The following MPPED1 variants were observed in gnomAD, a reference collection of about 807,000 sequenced individuals.
The protein encoded by MPPED1 is metallophosphoesterase domain containing 1, also known as metallophosphoesterase domain-containing protein 1.
In MPPED1, 16 loss-of-function variants were observed where a neutral mutation model predicts 36.2. The ratio of observed to expected loss-of-function variants is 0.44; its 90% confidence interval spans 0.30 to 0.67. The LOEUF is 0.67. Among genes scored for constraint, MPPED1 ranks in the 30% least tolerant of loss-of-function variants. The pLI is 0.10. For missense variants in MPPED1, 307 were observed against 453.4 expected (o/e 0.68, Z 2.93); for synonymous variants, 199 against 191.3 (o/e 1.04, Z -0.33).
chr22:43,414,972 C>G (rs1411063826), intron 1 of MPPED1, among the ~76,000 whole-genome samples: 1 of 152,048 alleles, frequency 6.6e-6, no homozygotes, highest in African/African-American at 2.4e-5. Flanking sequence ...TCCTTCTGGC[C>G]TGGGCGCCTC....
chr22:43,503,721 C>A (rs1932768752), intron 6 of MPPED1, among the ~76,000 whole-genome samples: 1 of 152,296 alleles, frequency 6.6e-6, no homozygotes, highest in South Asian at 2.1e-4. Flanking sequence ...GAGAGATGGG[C>A]AGCTCACGTG....
At chr22:43,467,231 G>T (rs1432633322) in intron 3 of MPPED1, among the ~76,000 whole-genome samples, 2 of 152,206 alleles carry the variant, frequency 1.3e-5, no homozygotes, top group Non-Finnish European at 2.9e-5. Flanking sequence ...TCTCTGTCAT[G>T]GGGAGAATGG....
intron 3 of MPPED1, among the ~76,000 whole-genome samples, chr22:43,440,883 C>A (rs774639308): frequency 5.3e-5 from 8 of 152,188 alleles, no homozygotes; most frequent in Non-Finnish European, 8.8e-5. Context: ...CTGCCACAGG[C>A]TCCATGTGGC....
chr22:43,423,367 C>CT (rs1569063832), intron 1 of MPPED1, among the ~76,000 whole-genome samples: 1 of 152,198 alleles, frequency 6.6e-6, no homozygotes, highest in Non-Finnish European at 1.5e-5. Flanking sequence ...GGCCCCTGCT[C>CT]CCCCACCTAC....
At chr22:43,431,020 A>ATTTTT (rs1569066380) in intron 2 of MPPED1, among the ~76,000 whole-genome samples, 1 of 55,722 alleles carries the variant, frequency 1.8e-5, no homozygotes, top group Admixed American at 2.6e-4. Context: ...TGTTGTTGTT[A>ATTTTT]ATTTTTTTTT....
intron 4 of MPPED1, among the ~76,000 whole-genome samples, chr22:43,497,935 G>GTATGTATATATATATA (rs1932480800): frequency 2.3e-5 from 3 of 128,364 alleles, no homozygotes; most frequent in Admixed American, 7.6e-5. Flanking sequence ...ATATGTATAT[G>GTATGTATATATATATA]TATATATATA....
At chr22:43,476,644 GA>G (rs1315490245) in intron 4 of MPPED1, among the ~76,000 whole-genome samples, 1 of 152,152 alleles carries the variant, frequency 6.6e-6, no homozygotes, top group Non-Finnish European at 1.5e-5. Context: ...GAGCAGAGGG[GA>G]AGGTGGGGAG....
intron 2 of MPPED1, among the ~76,000 whole-genome samples, chr22:43,430,489 C>T (rs1403029793): frequency 6.6e-6 from 1 of 152,144 alleles, no homozygotes; most frequent in Admixed American, 6.5e-5. Context: ...AGCTGGGGTG[C>T]CAGCCTGGGG....
At chr22:43,453,057 C>T (rs187857520) in intron 3 of MPPED1, among the ~76,000 whole-genome samples, 138 of 150,532 alleles carry the variant, frequency 9.2e-4, no homozygotes, top group African/African-American at 3.2e-3. Flanking sequence ...TCAAGTGATT[C>T]TCCTGCCTCA....
intron 3 of MPPED1, among the ~76,000 whole-genome samples, chr22:43,437,031 G>T (rs1047076771): frequency 1.4e-4 from 21 of 152,232 alleles, no homozygotes; most frequent in Non-Finnish European, 2.8e-4. Flanking sequence ...TTGCTGCCTG[G>T]AAGTGTTTGC....
chr22:43,447,879 A>ATTT (rs1319988340), intron 3 of MPPED1, among the ~76,000 whole-genome samples: 5 of 33,604 alleles, frequency 1.5e-4, no homozygotes, highest in African/African-American at 5.5e-4. Flanking sequence ...ATATATATAT[A>ATTT]TATATTTTTT....
intron 2 of MPPED1, among the ~76,000 whole-genome samples, chr22:43,434,406 G>A (rs912146697): frequency 6.6e-6 from 1 of 152,112 alleles, no homozygotes; most frequent in Non-Finnish European, 1.5e-5. Flanking sequence ...CTGCGACGGC[G>A]GACGTGCGCT....
At chr22:43,464,090 G>C (rs1055043844) in intron 3 of MPPED1, among the ~76,000 whole-genome samples, 2 of 151,738 alleles carry the variant, frequency 1.3e-5, no homozygotes, top group African/African-American at 4.8e-5. Flanking sequence ...TGTATTTTTA[G>C]TAGAGACAGG....
At chr22:43,452,028 T>C (rs1379972498) in intron 3 of MPPED1, among the ~76,000 whole-genome samples, 1 of 151,942 alleles carries the variant, frequency 6.6e-6, no homozygotes, top group Non-Finnish European at 1.5e-5. Flanking sequence ...CTTTCTTTTT[T>C]TTTTTTTGAA....
At position 43,491,795 on chromosome 22, in the gene MPPED1, T is replaced by A. The variant is rs1198233943; in HGVS notation, c.633-6440T>A. On this transcript the variant is annotated intron_variant, in intron 4 of 6. Coordinates refer to ENST00000443721, the MANE Select transcript of MPPED1 (RefSeq NM_001044370.2). ...TGGTAATGGAGGTGGTGGTAATGAT[T>A]GAGGTGGTGGTGATGGTGGTGATGA... Among the ~76,000 whole-genome samples, 88 of 76,676 alleles carry A rather than the reference T, an allele frequency of 1.1e-3. 1 individual carries two copies. The highest frequency in any genetic ancestry group is 2.3e-3 in the Admixed American group (18 of 7,756). 50.3% of individuals were successfully genotyped at this position (76,676 alleles called of 152,430 possible).
Position 43,431,844 on chromosome 22 carries a change from G to A in MPPED1, c.225-3190G>A, listed in dbSNP as rs533036742. Among the ~76,000 whole-genome samples the A allele has an allele frequency of 5.3e-5, 8 of 152,306 alleles. No individual in the cohort carries two copies. In the East Asian group the frequency reaches 5.8e-4, roughly 11 times the overall value. Reference sequence around the variant, plus strand: ...ATCCAAATAGCTGGGGGACTGTGTCGGGAAATGAGAGTCTATTTCTTTCTC... The same window carrying A: ...ATCCAAATAGCTGGGGGACTGTGTCAGGAAATGAGAGTCTATTTCTTTCTC... On this transcript the variant is annotated intron_variant, in intron 2 of 6. Coordinates refer to ENST00000443721, the MANE Select transcript of MPPED1 (RefSeq NM_001044370.2).
At chr22:43,499,243 TGGTGGTGGTGATGGA>T (rs1368890483) in intron 5 of MPPED1, among the ~76,000 whole-genome samples, 6 of 135,108 alleles carry the variant, frequency 4.4e-5, no homozygotes, top group Non-Finnish European at 7.9e-5. Context: ...GGGGATGGGG[TGGTGGTGGTGATGGA>T]GGTGGTGGTG....
intron 3 of MPPED1, among the ~76,000 whole-genome samples, chr22:43,441,355 A>G (rs1056923615): frequency 1.1e-4 from 17 of 152,026 alleles, no homozygotes; most frequent in Non-Finnish European, 2.5e-4. Context: ...CCCTCTGCCC[A>G]CTGTGTCACC....
At chr22:43,466,958 T>C (rs1188900595) in intron 3 of MPPED1, among the ~76,000 whole-genome samples, 1 of 152,160 alleles carries the variant, frequency 6.6e-6, no homozygotes, top group Non-Finnish European at 1.5e-5. Context: ...TAAGCCTCCT[T>C]TGTGACAGCC....
Sources: allele counts gnomAD v4.1 joint callset (sites outside exome capture counted in the v4.1 genomes callset), GRCh38; gene constraint gnomAD v4.1.1; transcripts MANE v1.5; gene names NCBI Gene and HGNC (gene_info 2026-07-23, HGNC 2026-07-21).